The following USP33 variants were observed in gnomAD, a reference collection of about 807,000 sequenced individuals.
USP33 encodes the protein ubiquitin carboxyl-terminal hydrolase 33.
Under a neutral mutation model 124.2 loss-of-function variants are expected in USP33, and 46 were observed. The observed-to-expected ratio is 0.37, with a 90% CI of 0.29 to 0.47. The LOEUF (loss-of-function observed/expected upper bound fraction) is 0.47. USP33 is among the 20% of genes least tolerant of loss of function. USP33 has a pLI of 0.99. For missense variants in USP33, 851 were observed against 1,070.6 expected (o/e 0.79, Z 2.86); for synonymous variants, 350 against 352.3 (o/e 0.99, Z 0.07).
intron 1 of USP33, among the ~76,000 whole-genome samples, chr1:77,758,785 C>G (rs1681043728): frequency 6.6e-6 from 1 of 152,166 alleles, no homozygotes; most frequent in Admixed American, 6.5e-5. Context: ...TAAAAATTCT[C>G]TACATCCACA....
In USP33 at chr1:77,728,283, C is replaced by T. The variant is rs202233614; in HGVS notation, c.1135+12G>A. On this transcript the variant is annotated intron_variant, in intron 10 of 23. Coordinates refer to ENST00000370794, the MANE Select transcript of USP33 (RefSeq NM_201624.3). ...TACTATCATTTTCATGAACAAACTACTAAATTGTCACCTGAAGCTCTGCTG... is the reference window on the plus strand; with the variant it reads ...TACTATCATTTTCATGAACAAACTATTAAATTGTCACCTGAAGCTCTGCTG... 1 of 1,554,104 alleles carries T rather than the reference C, an allele frequency of 6.4e-7. No homozygotes were observed. Among genetic ancestry groups the T allele is most frequent in the South Asian group, 1.2e-5 (1 of 80,072 alleles).
At chr1:77,730,830 G>T in intron 7 of USP33, 99 bp from the exon 8 acceptor site, 1 of 719,422 alleles carries the variant, frequency 1.4e-6, no homozygotes, top group South Asian at 3.3e-5. Context: ...TCCTTTAGCC[G>T]TTATTTCTTT....
chr1:77,730,824 T>G, intron 7 of USP33, 93 bp from the exon 8 acceptor site: 1 of 753,940 alleles, frequency 1.3e-6, no homozygotes, highest in Non-Finnish European at 2.0e-6. Flanking sequence ...ATACATTCCT[T>G]TAGCCGTTAT....
intron 1 of USP33, among the ~76,000 whole-genome samples, chr1:77,744,871 T>G (rs1282973802): frequency 6.6e-6 from 1 of 152,156 alleles, no homozygotes; most frequent in Non-Finnish European, 1.5e-5. Flanking sequence ...TTGGAATAAG[T>G]GCGACACGGT....
intron 1 of USP33, among the ~76,000 whole-genome samples, chr1:77,744,836 T>C (rs775298787): frequency 3.3e-5 from 5 of 152,156 alleles, no homozygotes; most frequent in Admixed American, 1.3e-4. Flanking sequence ...CACAGCAAGA[T>C]CCTGTGCCAA....
chr1:77,732,684 C>T (rs181331854), intron 7 of USP33, among the ~76,000 whole-genome samples: 38 of 152,240 alleles, frequency 2.5e-4, no homozygotes, highest in African/African-American at 9.1e-4. Flanking sequence ...AGCTCTTTCC[C>T]ATCCCAAGGC....
intron 1 of USP33, among the ~76,000 whole-genome samples, chr1:77,750,365 G>C (rs944026484): frequency 4.0e-5 from 6 of 151,612 alleles, no homozygotes; most frequent in Non-Finnish European, 8.8e-5. Flanking sequence ...ACGCATGACA[G>C]CTCAGGTCTG....
chr1:77,714,530 G>A (rs1570757495), intron 19 of USP33, 84 bp downstream of exon 19: 1 of 1,377,006 alleles, frequency 7.3e-7, no homozygotes. Flanking sequence ...AAATAAGTGG[G>A]AGAGGAAAAT....
intron 3 of USP33, 118 bp from the exon 4 acceptor site, chr1:77,741,057 G>A: frequency 1.4e-6 from 1 of 699,562 alleles, no homozygotes; most frequent in East Asian, 2.9e-5. Flanking sequence ...CATTCAATGA[G>A]TAAATGACTT....
chr1:77,734,691 CATTA>C (rs930102838), intron 6 of USP33, among the ~76,000 whole-genome samples: 3 of 152,122 alleles, frequency 2.0e-5, no homozygotes, highest in African/African-American at 4.8e-5. Context: ...TTTTAAAAAG[CATTA>C]ATTGAGACTT....
At chr1:77,744,166 A>C (rs1679477674) in intron 1 of USP33, among the ~76,000 whole-genome samples, 1 of 152,144 alleles carries the variant, frequency 6.6e-6, no homozygotes, top group South Asian at 2.1e-4. Flanking sequence ...AGAAGGATCA[A>C]ACTGTTCCAA....
chr1:77,749,995 T>C (rs1290971551), intron 1 of USP33, among the ~76,000 whole-genome samples: 1 of 152,264 alleles, frequency 6.6e-6, no homozygotes, highest in Non-Finnish European at 1.5e-5. Flanking sequence ...TCTGCTCTGC[T>C]ATTAATTTTG....
In USP33 at chr1:77,714,645, A is replaced by T; in HGVS notation, c.2184T>A (p.Ile728=). The T allele has an allele frequency of 1.2e-6, 2 of 1,613,294 alleles. No homozygotes were observed. Among genetic ancestry groups the T allele is most frequent in the African/African-American group, 1.3e-5 (1 of 75,008 alleles). ...GAATACAAAGAAAGTCATTATTTGA[A>T]ATAGGGCCAGGTTCGGCAAAGGTCT... ...KFKTFAEPGP[I]SNNDFLCIHG... The change falls in exon 19 of 24, where the codon ATT becomes ATA. Residue 728 remains isoleucine (I), a synonymous_variant. Coordinates refer to ENST00000370794, the MANE Select transcript of USP33 (RefSeq NM_201624.3).
intron 21 of USP33, among the ~76,000 whole-genome samples, chr1:77,709,707 G>A (rs1179927281): frequency 6.6e-6 from 1 of 150,828 alleles, no homozygotes; most frequent in Non-Finnish European, 1.5e-5. Flanking sequence ...AATCCTACTG[G>A]AGTAATCAAT....
intron 15 of USP33, among the ~76,000 whole-genome samples, chr1:77,720,073 TCG>T (rs1676387912): frequency 7.0e-6 from 1 of 143,828 alleles, no homozygotes; most frequent in African/African-American, 2.6e-5. Flanking sequence ...GGCAGGAGGA[TCG>T]CTTGTGCCCA....
intron 1 of USP33, among the ~76,000 whole-genome samples, chr1:77,753,438 A>T (rs867111128): frequency 3.9e-5 from 6 of 152,148 alleles, no homozygotes; most frequent in South Asian, 2.1e-4. Flanking sequence ...TACAAAAAAA[A>T]AATAATAATT....
chr1:77,714,768 C>T lies in USP33; in HGVS notation c.2061G>A (p.Glu687=). 6.2e-7 allele frequency: 1 copy of T among 1,611,472 alleles called. No individual in the cohort carries two copies. Among genetic ancestry groups the T allele is most frequent in the Middle Eastern group, 2.2e-4 (1 of 4,650 alleles). The change falls in exon 19 of 24, where the codon GAG becomes GAA. Residue 687 remains glutamate (E), a synonymous_variant. Transcript: ENST00000370794. ...YVLFYRKSSE[E]AQKERRRISN... ...ATATCCTTCTCCTCTCTTTTTGTGC[C>T]TCTTCGCTGCTCTTCCTATTAAGGA...
chr1:77,745,847 C>A (rs1417075105), intron 1 of USP33, among the ~76,000 whole-genome samples: 1 of 152,130 alleles, frequency 6.6e-6, no homozygotes, highest in Non-Finnish European at 1.5e-5. Flanking sequence ...AACAAAGACA[C>A]AACATACCAG....
At chr1:77,737,111 T>A (rs1476131908) in intron 5 of USP33, among the ~76,000 whole-genome samples, 1 of 150,414 alleles carries the variant, frequency 6.6e-6, no homozygotes, top group African/African-American at 2.4e-5. Flanking sequence ...AAAATCAAAA[T>A]TTGAAAGTTC....
Sources: allele counts gnomAD v4.1 joint callset (sites outside exome capture counted in the v4.1 genomes callset), GRCh38; gene constraint gnomAD v4.1.1; transcripts MANE v1.5; gene names NCBI Gene and HGNC (gene_info 2026-07-23, HGNC 2026-07-21).